The following SCARA5 variants were observed in gnomAD, a reference collection of about 807,000 sequenced individuals.
SCARA5 encodes scavenger receptor class A member 5.
SCARA5 carries 45 observed loss-of-function variants against 46.3 expected under a neutral mutation model. The observed-to-expected ratio is 0.97, with a 90% CI of 0.76 to 1.24. The LOEUF (loss-of-function observed/expected upper bound fraction) is 1.24, where lower values mean the gene tolerates loss of function less well. SCARA5 is among the 50% of genes most tolerant of loss of function. The probability of loss-of-function intolerance (pLI) is 0.00; values close to 1 mark genes in which losing one functional copy is unlikely to be tolerated. For missense variants in SCARA5, 680 were observed against 689.0 expected (o/e 0.99, Z 0.15); for synonymous variants, 333 against 306.5 (o/e 1.09, Z -0.90).
intron 7 of SCARA5, 187 bp downstream of exon 7, chr8:27,904,591 T>C (rs1457559955): frequency 4.5e-6 from 3 of 672,432 alleles, no homozygotes; most frequent in Admixed American, 2.3e-5. Flanking sequence ...ATGTGGCCAG[T>C]GCCCCTGGGG....
At chr8:27,891,402 C>T (rs1355100049) in intron 7 of SCARA5, among the ~76,000 whole-genome samples, 2 of 152,090 alleles carry the variant, frequency 1.3e-5, no homozygotes, top group African/African-American at 4.8e-5. Context: ...GACAGGGTCT[C>T]ACCATGTTGG....
intron 3 of SCARA5, among the ~76,000 whole-genome samples, chr8:27,948,298 A>G (rs7816579): frequency 0.63 from 96,320 of 151,876 alleles, 31,210 homozygotes; most frequent in Middle Eastern, 0.8. Flanking sequence ...CCAGGCAAGC[A>G]ATTACTCAGA....
chr8:27,871,639 G>C lies in SCARA5; in HGVS notation c.*295C>G. The C allele has an allele frequency of 7.7e-7, 1 of 1,292,066 alleles. No homozygotes were observed. Among genetic ancestry groups the C allele is most frequent in the Non-Finnish European group, 9.9e-7 (1 of 1,013,348 alleles). The allele number at this position is 1,292,066 out of a possible 1,614,324, so 80.0% of individuals were successfully genotyped here. ...AAAGGGAACTGGGATATTGAGGCCT[G>C]GTGCATGGTGTTCAGAGGCTGGGCA... On this transcript the variant is annotated 3_prime_UTR_variant, in exon 9 of 9. Coordinates refer to ENST00000354914, the MANE Select transcript of SCARA5 (RefSeq NM_173833.6).
At chr8:27,976,699 G>A (rs140529471) in intron 2 of SCARA5, among the ~76,000 whole-genome samples, 41 of 152,260 alleles carry the variant, frequency 2.7e-4, no homozygotes, top group African/African-American at 8.4e-4. Context: ...AGCCTCCCCT[G>A]CCACTTGTAG....
intron 3 of SCARA5, among the ~76,000 whole-genome samples, chr8:27,931,303 G>T (rs1807769164): frequency 6.6e-6 from 1 of 152,182 alleles, no homozygotes. Context: ...AACTGGTGAT[G>T]AATTTATCTC....
At chr8:27,892,606 C>T (rs1815033) in intron 7 of SCARA5, among the ~76,000 whole-genome samples, 77,942 of 127,592 alleles carry the variant, frequency 0.61, 24,949 homozygotes, top group Non-Finnish European at 0.7. Flanking sequence ...ATACCTCACC[C>T]TTTTTTTTTT....
At chr8:27,977,799 C>T (rs1028463249) in intron 2 of SCARA5, among the ~76,000 whole-genome samples, 2 of 152,254 alleles carry the variant, frequency 1.3e-5, no homozygotes, top group African/African-American at 4.8e-5. Flanking sequence ...TCCAGCCTCC[C>T]TGGCCTGGGC....
intron 4 of SCARA5, among the ~76,000 whole-genome samples, chr8:27,917,149 T>C (rs1417735566): frequency 6.6e-6 from 1 of 152,224 alleles, no homozygotes; most frequent in Non-Finnish European, 1.5e-5. Context: ...TCCCAGTCTA[T>C]GGCATTTTGT....
chr8:27,977,575 A>T (rs1808545056), intron 2 of SCARA5, among the ~76,000 whole-genome samples: 1 of 152,202 alleles, frequency 6.6e-6, no homozygotes, highest in Non-Finnish European at 1.5e-5. Flanking sequence ...TACACCAGTC[A>T]TATGCCAGGG....
chr8:27,987,234 G>A (rs1183882073), intron 2 of SCARA5, among the ~76,000 whole-genome samples: 1 of 152,210 alleles, frequency 6.6e-6, no homozygotes, highest in African/African-American at 2.4e-5. Context: ...TCGGAGTCAG[G>A]AGGCTCCATG....
At chr8:27,898,027 C>T (rs549463417) in intron 7 of SCARA5, among the ~76,000 whole-genome samples, 14 of 152,228 alleles carry the variant, frequency 9.2e-5, no homozygotes, top group Admixed American at 3.9e-4. Context: ...TGGTCTCTCT[C>T]CCTCTGGCCA....
At position 27,871,560 on chromosome 8, in the gene SCARA5, G is replaced by A. The variant is rs1806636584; in HGVS notation, c.*374C>T. 2 of 1,085,954 alleles carry A rather than the reference G, an allele frequency of 1.8e-6. No individual in the cohort carries two copies. Among genetic ancestry groups the A allele is most frequent in the Non-Finnish European group, 2.2e-6 (2 of 891,276 alleles). 67.3% of individuals were successfully genotyped at this position (1,085,954 alleles called of 1,614,324 possible). ...ATGATCTATACTACCAACCATCGCT[G>A]CTGCTGCACTTGTCTCTGACACATT... On this transcript the variant is annotated 3_prime_UTR_variant, in exon 9 of 9. Coordinates refer to ENST00000354914, the MANE Select transcript of SCARA5 (RefSeq NM_173833.6).
intron 3 of SCARA5, among the ~76,000 whole-genome samples, chr8:27,940,134 G>T (rs984692237): frequency 3.9e-4 from 59 of 152,160 alleles, no homozygotes; most frequent in African/African-American, 1.4e-3. Context: ...CATAGCTTTC[G>T]GTTGGAGCAG....
At chr8:27,970,888 TA>T (rs550022213) in intron 2 of SCARA5, among the ~76,000 whole-genome samples, 13 of 151,584 alleles carry the variant, frequency 8.6e-5, no homozygotes, top group East Asian at 1.9e-4. Context: ...GGCTTTTTTT[TA>T]AAAAAAAACC....
At chr8:27,890,599 A>ATCCCTTTACC (rs1806965987) in intron 7 of SCARA5, among the ~76,000 whole-genome samples, 1 of 151,848 alleles carries the variant, frequency 6.6e-6, no homozygotes, top group African/African-American at 2.4e-5. Flanking sequence ...ATGCCTCCGG[A>ATCCCTTTACC]TCCCTGGTTC....
At chr8:27,963,739 G>A (rs1808324523) in intron 3 of SCARA5, among the ~76,000 whole-genome samples, 1 of 152,132 alleles carries the variant, frequency 6.6e-6, no homozygotes, top group Admixed American at 6.5e-5. Flanking sequence ...GGGCTTATAA[G>A]ACTCATATTT....
intron 3 of SCARA5, among the ~76,000 whole-genome samples, chr8:27,939,939 C>T (rs1042908910): frequency 2.0e-5 from 3 of 152,174 alleles, no homozygotes; most frequent in Non-Finnish European, 4.4e-5. Flanking sequence ...AAGAGACTCC[C>T]TAGGTTGCGT....
At chr8:27,970,311 C>T (rs1808429540) in intron 2 of SCARA5, among the ~76,000 whole-genome samples, 3 of 152,306 alleles carry the variant, frequency 2.0e-5, no homozygotes, top group South Asian at 4.1e-4. Context: ...CAAGATTCAA[C>T]TCCAGAGGCA....
chr8:27,914,409 C>T (rs1004528563), intron 4 of SCARA5, among the ~76,000 whole-genome samples: 2 of 152,264 alleles, frequency 1.3e-5, no homozygotes, highest in African/African-American at 4.8e-5. Context: ...TCCTCGTGCA[C>T]AATGCCCCTG....
Sources: gnomAD v4.1 joint callset for allele counts (sites outside exome capture counted in the v4.1 genomes callset) on GRCh38, gnomAD v4.1.1 for gene constraint, MANE v1.5 for transcripts, NCBI Gene and HGNC (gene_info 2026-07-23, HGNC 2026-07-21) for gene names.